Variants in GABRB1 observed in about 807,000 individuals in gnomAD.
GABRB1 encodes the protein gamma-aminobutyric acid type A receptor subunit beta1, also known as gamma-aminobutyric acid receptor subunit beta-1.
A neutral mutation model predicts 51.6 loss-of-function variants in GABRB1; 17 were observed. The ratio of observed to expected loss-of-function variants is 0.33; its 90% CI spans 0.23 to 0.49. GABRB1 has a LOEUF of 0.49. Ranked by LOEUF, GABRB1 falls within the 20% of genes least tolerant of loss-of-function variation. The pLI is 0.99. For missense variants in GABRB1, 410 were observed against 600.6 expected, an observed-to-expected ratio of 0.68 and a Z score of 3.32; for synonymous variants, 247 against 218.9, an observed-to-expected ratio of 1.13 and a Z score of -1.14.
intron 4 of GABRB1, among the ~76,000 whole-genome samples, chr4:47,261,735 G>A (rs2109879316): frequency 6.6e-6 from 1 of 152,210 alleles, no homozygotes; most frequent in South Asian, 2.1e-4. Flanking sequence ...GCATCACCAA[G>A]TCAATCCTAA....
chr4:47,069,545 T>G (rs752230369), intron 3 of GABRB1, among the ~76,000 whole-genome samples: 2 of 152,194 alleles, frequency 1.3e-5, no homozygotes, highest in Non-Finnish European at 2.9e-5. Flanking sequence ...ATTTTCTGAT[T>G]GCATTTTTTT....
rs1176799934 is a variant in GABRB1 at position 47,049,016 on chromosome 4, C to CTG, written c.240+16534_240+16535dup. Reference sequence around the variant, plus strand: ...TTGCTCTAGTTCTTACCTAGGGTTACTGTCATAGACAGAGCCTTTCCTCTT... The same window carrying CTG: ...TTGCTCTAGTTCTTACCTAGGGTTACTGTGTCATAGACAGAGCCTTTCCTCTT... On this transcript the variant is annotated intron_variant, in intron 3 of 8. Coordinates refer to ENST00000295454, the MANE Select transcript of GABRB1 (RefSeq NM_000812.4). Among the ~76,000 whole-genome samples the CTG allele has an allele frequency of 8.6e-5, 13 of 150,576 alleles. No individual in the cohort carries two copies. In the East Asian group the frequency reaches 2.3e-3, roughly 27 times the overall value.
intron 3 of GABRB1, among the ~76,000 whole-genome samples, chr4:47,126,044 ATGTG>A (rs1034182627): frequency 2.6e-5 from 4 of 151,750 alleles, no homozygotes; most frequent in Admixed American, 1.3e-4. Flanking sequence ...ATATATATGT[ATGTG>A]TATTGCATTG....
chr4:47,329,353 T>G (rs562028365), intron 5 of GABRB1, among the ~76,000 whole-genome samples: 2 of 151,440 alleles, frequency 1.3e-5, no homozygotes, highest in South Asian at 4.2e-4. Flanking sequence ...ACATATCCTA[T>G]TGGCTGTATT....
chr4:47,029,586 T>C (rs1249653923), upstream of GABRB1, among the ~76,000 whole-genome samples: 2 of 152,070 alleles, frequency 1.3e-5, no homozygotes, highest in Non-Finnish European at 2.9e-5. Flanking sequence ...ATCTTTTTTA[T>C]CATTTATAAC....
intron 5 of GABRB1, among the ~76,000 whole-genome samples, chr4:47,323,304 A>G (rs1372783751): frequency 4.6e-5 from 7 of 152,332 alleles, no homozygotes; most frequent in Non-Finnish European, 1.0e-4. Context: ...ATCCCTTATT[A>G]ACAATAGATA....
intron 8 of GABRB1, among the ~76,000 whole-genome samples, chr4:47,420,493 A>G (rs955235969): frequency 2.0e-5 from 3 of 152,196 alleles, no homozygotes; most frequent in Non-Finnish European, 2.9e-5. Flanking sequence ...CCAGTATGTT[A>G]ACAATTTTAA....
At chr4:47,133,036 A>G (rs1009079541) in intron 3 of GABRB1, among the ~76,000 whole-genome samples, 2 of 152,176 alleles carry the variant, frequency 1.3e-5, no homozygotes, top group African/African-American at 4.8e-5. Flanking sequence ...CTCTGTATCT[A>G]TTCTACTATG....
chr4:47,240,717 T>C (rs1721490280), intron 4 of GABRB1, among the ~76,000 whole-genome samples: 1 of 152,208 alleles, frequency 6.6e-6, no homozygotes, highest in African/African-American at 2.4e-5. Flanking sequence ...AGTACTCTGA[T>C]ATGTAAAGTG....
At chr4:47,306,304 G>A (rs1254712366) in intron 4 of GABRB1, among the ~76,000 whole-genome samples, 1 of 150,692 alleles carries the variant, frequency 6.6e-6, no homozygotes, top group African/African-American at 2.4e-5. Context: ...AAAGAGGGAT[G>A]GGAAGAGGAG....
At chr4:47,172,269 T>C (rs559012551) in intron 4 of GABRB1, among the ~76,000 whole-genome samples, 21 of 152,330 alleles carry the variant, frequency 1.4e-4, no homozygotes, top group African/African-American at 5.1e-4. Flanking sequence ...AGAAAAATAT[T>C]GGCTTATTTT....
chr4:47,198,326 C>A (rs1384330742), intron 4 of GABRB1, among the ~76,000 whole-genome samples: 3 of 152,010 alleles, frequency 2.0e-5, no homozygotes, highest in Non-Finnish European at 4.4e-5. Context: ...TGCTAACACC[C>A]AAAGATGGGG....
chr4:47,039,982 A>G (rs1233810912), intron 3 of GABRB1, among the ~76,000 whole-genome samples: 1 of 152,212 alleles, frequency 6.6e-6, no homozygotes, highest in African/African-American at 2.4e-5. Context: ...ACAAAAGAAA[A>G]TGAGTAATAG....
chr4:47,273,666 T>C (rs544123908), intron 4 of GABRB1, among the ~76,000 whole-genome samples: 1 of 152,168 alleles, frequency 6.6e-6, no homozygotes, highest in East Asian at 1.9e-4. Flanking sequence ...AAACAAGTTG[T>C]AGTCCCTGCC....
chr4:47,354,980 G>GTTTTTTTT lies in GABRB1; in HGVS notation c.544+34789_544+34796dup, dbSNP rs71195627. 1.6e-3 allele frequency among the ~76,000 whole-genome samples: 69 copies of GTTTTTTTT among 44,230 alleles called. 12 individuals are homozygous for GTTTTTTTT. Among genetic ancestry groups the GTTTTTTTT allele is most frequent in the African/African-American group, 3.9e-3 (40 of 10,202 alleles). The allele number at this position is 44,230 out of a possible 152,430, so 29.0% of individuals were successfully genotyped here. ...CCTTCCTTTCTTTCTTTCTTCCTTT[G>GTTTTTTTT]TTTTTTTTTTTTTTTTTTTTTTTTT... is the stretch of plus-strand genomic sequence containing the variant. On this transcript the variant is annotated intron_variant, in intron 5 of 8. Coordinates refer to ENST00000295454, the MANE Select transcript of GABRB1 (RefSeq NM_000812.4).
intron 3 of GABRB1, among the ~76,000 whole-genome samples, chr4:47,051,960 C>T (rs747167687): frequency 6.6e-6 from 1 of 152,040 alleles, no homozygotes; most frequent in Non-Finnish European, 1.5e-5. Context: ...GAGAGCCCGT[C>T]TCTACTAAAA....
At chr4:47,047,430 G>A (rs188702256) in intron 3 of GABRB1, among the ~76,000 whole-genome samples, 20 of 152,162 alleles carry the variant, frequency 1.3e-4, no homozygotes, top group African/African-American at 4.1e-4. Context: ...TATGTAAACT[G>A]AGATATAAAA....
At chr4:47,221,873 A>G (rs1387370612) in intron 4 of GABRB1, among the ~76,000 whole-genome samples, 1 of 152,086 alleles carries the variant, frequency 6.6e-6, no homozygotes, top group Non-Finnish European at 1.5e-5. Flanking sequence ...ATTCATTAAC[A>G]TAGAACTCCT....
At chr4:47,099,077 T>C (rs916273563) in intron 3 of GABRB1, among the ~76,000 whole-genome samples, 3 of 152,000 alleles carry the variant, frequency 2.0e-5, no homozygotes, top group African/African-American at 7.2e-5. Flanking sequence ...CGTTTGGCAA[T>C]ATAGGTAGCA....
Sources: allele counts gnomAD v4.1 joint callset (sites outside exome capture counted in the v4.1 genomes callset), GRCh38; gene constraint gnomAD v4.1.1; transcripts MANE v1.5; gene names NCBI Gene and HGNC (gene_info 2026-07-23, HGNC 2026-07-21).